DAB1: variants seen among roughly 807,000 people sequenced by gnomAD.
The protein encoded by DAB1 is DAB adaptor protein 1.
A neutral mutation model predicts 64.6 loss-of-function variants in DAB1; 15 were observed. The ratio of observed to expected loss-of-function variants is 0.23; its 90% CI spans 0.16 to 0.36. The LOEUF (loss-of-function observed/expected upper bound fraction) is 0.36. Ranked by LOEUF, DAB1 falls within the 10% of genes least tolerant of loss-of-function variation. The pLI, the probability that DAB1 is intolerant of heterozygous loss-of-function variation, is 1.00. For missense variants in DAB1, 596 were observed against 706.7 expected (o/e 0.84, Z 1.78); for synonymous variants, 235 against 251.9 (o/e 0.93, Z 0.64).
At chr1:57,880,300 C>T (rs542075520) in intron 1 of DAB1, 1 of 152,068 alleles carries the variant, frequency 6.6e-6, no homozygotes, top group Non-Finnish European at 1.5e-5. Context: ...TGTGTGCAGC[C>T]CTATGTGACA....
intron 3 of DAB1, among the ~76,000 whole-genome samples, chr1:58,379,123 C>T (rs112234108): frequency 6.6e-6 from 1 of 151,764 alleles, no homozygotes; most frequent in Non-Finnish European, 1.5e-5. Context: ...GATGGAAATG[C>T]AGAAATCACC....
chr1:58,266,623 CTCTGA>C (rs1384660314), intron 4 of DAB1, among the ~76,000 whole-genome samples: 1 of 152,180 alleles, frequency 6.6e-6, no homozygotes, highest in Non-Finnish European at 1.5e-5. Flanking sequence ...TTATCCCAGG[CTCTGA>C]TCTAACATTT....
intron 5 of DAB1, among the ~76,000 whole-genome samples, chr1:58,003,330 C>T (rs967476177): frequency 3.5e-4 from 53 of 152,270 alleles, no homozygotes; most frequent in Admixed American, 2.9e-3. Context: ...CTTCTCTTTA[C>T]TGACATGTTT....
intron 5 of DAB1, among the ~76,000 whole-genome samples, chr1:57,923,552 G>A: frequency 6.6e-6 from 1 of 152,164 alleles, no homozygotes. Flanking sequence ...TTAACTCTAA[G>A]CTGTCCTCCA....
At chr1:57,621,123 G>C (rs962152485) in intron 7 of DAB1, among the ~76,000 whole-genome samples, 4 of 151,804 alleles carry the variant, frequency 2.6e-5, no homozygotes, top group Admixed American at 2.6e-4. Context: ...CAGAATTCAT[G>C]ACCTTGAACT....
chr1:57,262,548 A>G (rs1296408713), intron 2 of DAB1, among the ~76,000 whole-genome samples: 2 of 152,188 alleles, frequency 1.3e-5, no homozygotes, highest in Non-Finnish European at 2.9e-5. Flanking sequence ...TGGCATTGCA[A>G]TTGGCTGACA....
intron 6 of DAB1, among the ~76,000 whole-genome samples, chr1:57,809,182 C>A (rs1651503769): frequency 6.6e-6 from 1 of 152,154 alleles, no homozygotes; most frequent in Admixed American, 6.5e-5. Context: ...GTTTCATACT[C>A]AAGAGCAGAA....
At chr1:57,059,515 C>T (rs752645120) in intron 9 of DAB1, among the ~76,000 whole-genome samples, 1 of 151,922 alleles carries the variant, frequency 6.6e-6, no homozygotes, top group Non-Finnish European at 1.5e-5. Flanking sequence ...GGAAAGGTGG[C>T]GAAGGAGCAA....
At chr1:57,545,539 C>T (rs1644847016) in intron 7 of DAB1, among the ~76,000 whole-genome samples, 3 of 152,156 alleles carry the variant, frequency 2.0e-5, no homozygotes, top group Admixed American at 6.5e-5. Flanking sequence ...GCTCTTCCCC[C>T]TTCAAATGTT....
At chr1:57,746,134 C>T (rs903068722) in intron 6 of DAB1, among the ~76,000 whole-genome samples, 1 of 152,066 alleles carries the variant, frequency 6.6e-6, no homozygotes, top group African/African-American at 2.4e-5. Flanking sequence ...AATAGGACTG[C>T]AATAAATTTT....
chr1:58,292,741 G>A (rs1212938021), intron 4 of DAB1, among the ~76,000 whole-genome samples: 1 of 152,152 alleles, frequency 6.6e-6, no homozygotes, highest in East Asian at 1.9e-4. Flanking sequence ...CCAAAAGGTG[G>A]AGAAAGTCCC....
intron 1 of DAB1, among the ~76,000 whole-genome samples, chr1:58,545,175 A>ATTTT (rs1447626867): frequency 2.0e-5 from 3 of 152,160 alleles, no homozygotes; most frequent in Non-Finnish European, 2.9e-5. Context: ...ACCCCACAGA[A>ATTTT]AAAGAAAGCT....
In DAB1 at chr1:57,960,575, T is replaced by C. The variant is rs188581149; in HGVS notation, n.388-76413A>G. 2.9e-3 allele frequency among the ~76,000 whole-genome samples: 441 copies of C among 152,062 alleles called. 1 individual carries two copies. Among genetic ancestry groups the C allele is most frequent in the African/African-American group, 0.01 (429 of 41,476 alleles). ...AAGGTAGTATAAATACATACGTTAA[T>C]ACTATTTTTATTCAGTAGTATAAAA... On this transcript the variant is annotated intron_variant and non_coding_transcript_variant, in intron 5 of 20. Coordinates refer to the DAB1 transcript ENST00000485760.
intron 1 of DAB1, chr1:57,387,481 TAC>T (rs60654943): frequency 0.42 from 63,144 of 150,780 alleles, 13,755 homozygotes; most frequent in African/African-American, 0.5. Flanking sequence ...TGTGTATATG[TAC>T]ACACACACAC....
At chr1:58,146,180 G>C (rs1307015879) in intron 5 of DAB1, among the ~76,000 whole-genome samples, 2 of 152,188 alleles carry the variant, frequency 1.3e-5, no homozygotes, top group African/African-American at 4.8e-5. Flanking sequence ...TAGGTTATTA[G>C]TAATCGTGTT....
At position 57,167,631 on chromosome 1, in the gene DAB1, T is replaced by C. The variant is rs567674053; in HGVS notation, c.68-22202A>G. 5.3e-5 allele frequency among the ~76,000 whole-genome samples: 8 copies of C among 152,248 alleles called. No individual in the cohort carries two copies. The South Asian group carries it at 1.7e-3, about 32-fold the overall frequency. ...CCTTCTAATGCTCACATCTGAATGT[T>C]TTACAACGGCCAGATTTAATCTGTC... On this transcript the variant is annotated intron_variant, in intron 2 of 14. Transcript: ENST00000371236.
At chr1:57,107,326 G>A (rs1173946849) in intron 4 of DAB1, among the ~76,000 whole-genome samples, 2 of 150,384 alleles carry the variant, frequency 1.3e-5, no homozygotes, top group African/African-American at 2.5e-5. Flanking sequence ...AGTGAGCCGA[G>A]ATTGCACCAT....
chr1:57,583,641 C>T (rs1645342725), intron 7 of DAB1, among the ~76,000 whole-genome samples: 2 of 152,080 alleles, frequency 1.3e-5, no homozygotes, highest in African/African-American at 4.8e-5. Flanking sequence ...ACCAGTAGCC[C>T]ATGGGCCAGA....
At chr1:58,353,567 A>C (rs1268997950) in intron 3 of DAB1, among the ~76,000 whole-genome samples, 2 of 152,216 alleles carry the variant, frequency 1.3e-5, no homozygotes, top group Non-Finnish European at 2.9e-5. Context: ...GGGAAAAGAA[A>C]AGAAAAACAG....
Sources: gnomAD v4.1 joint callset for allele counts (sites outside exome capture counted in the v4.1 genomes callset) on GRCh38, gnomAD v4.1.1 for gene constraint, MANE v1.5 for transcripts, NCBI Gene and HGNC (gene_info 2026-07-23, HGNC 2026-07-21) for gene names.